The following AEBP2 variants were observed in gnomAD, a reference collection of about 807,000 sequenced individuals.
AEBP2 encodes the protein AE binding protein 2, also known as zinc finger protein AEBP2.
A neutral mutation model predicts 50.8 loss-of-function variants in AEBP2; 10 were observed. The ratio of observed to expected loss-of-function variants is 0.20; its 90% CI spans 0.12 to 0.33. AEBP2 has a LOEUF of 0.33. Among genes scored for constraint, AEBP2 ranks in the 10% least tolerant of loss-of-function variants. AEBP2 has a pLI of 1.00. For missense variants in AEBP2, 570 were observed against 688.0 expected (o/e 0.83, Z 1.92); for synonymous variants, 296 against 261.3 (o/e 1.13, Z -1.28).
At chr12:19,457,779 G>T in intron 1 of AEBP2, 1 of 405,768 alleles carries the variant, frequency 2.5e-6, no homozygotes. Flanking sequence ...CATCAAGCGG[G>T]CACTTGTTAG....
intron 1 of AEBP2, 184 bp downstream of exon 1, chr12:19,440,554 C>A: frequency 7.2e-7 from 1 of 1,386,190 alleles, no homozygotes. Context: ...CGCATCGCGG[C>A]TTCCAACTCT....
intron 7 of AEBP2, among the ~76,000 whole-genome samples, chr12:19,517,634 G>T (rs978525221): frequency 6.6e-6 from 1 of 152,220 alleles, no homozygotes; most frequent in Admixed American, 6.5e-5. Flanking sequence ...CACTGTGCAT[G>T]CCGAGAGACA....
At chr12:19,469,347 G>GT (rs1702765849) in intron 2 of AEBP2, among the ~76,000 whole-genome samples, 1 of 152,132 alleles carries the variant, frequency 6.6e-6, no homozygotes. Context: ...AAACCCAGTT[G>GT]TTTCATTGGC....
rs142347152 is a variant in AEBP2 at position 19,424,298 on chromosome 12, G to C, written c.-17+20082G>C. The stretch of plus-strand genomic sequence containing the variant: ...CATGCTCATGAACAGCAGAGAAGGA[G>C]CCAGTACAGAGGACAGTGTTGAACA... On this transcript the variant is annotated intron_variant, in intron 1 of 3. Coordinates refer to the AEBP2 transcript ENST00000538425. Among the ~76,000 whole-genome samples, 630 of 152,280 alleles carry C rather than the reference G, an allele frequency of 4.1e-3. 5 individuals carry two copies. Among genetic ancestry groups the C allele is most frequent in the African/African-American group, 0.014 (594 of 41,558 alleles).
At chr12:19,495,247 T>C (rs1236077816) in intron 4 of AEBP2, among the ~76,000 whole-genome samples, 2 of 152,124 alleles carry the variant, frequency 1.3e-5, no homozygotes, top group African/African-American at 4.8e-5. Context: ...GAAATACCAA[T>C]GGGTGAATGA....
rs929418267 is a variant in AEBP2, at chr12:19,412,969, C to T, written c.-17+8753C>T. ...CCCGTCACGAGGGGCCCAGGAGGCTCGCGGCAGGGGCTGCCACATGCAGGA... is the reference window on the plus strand; with the variant it reads ...CCCGTCACGAGGGGCCCAGGAGGCTTGCGGCAGGGGCTGCCACATGCAGGA... On this transcript the variant is annotated intron_variant, in intron 1 of 3. Transcript: ENST00000538425. Among the ~76,000 whole-genome samples, 5 of 152,286 alleles carry T rather than the reference C, an allele frequency of 3.3e-5. 1 individual carries two copies. Among genetic ancestry groups the T allele is most frequent in the African/African-American group, 9.6e-5 (4 of 41,580 alleles).
At chr12:19,514,432 CA>C (rs906501991) in intron 6 of AEBP2, among the ~76,000 whole-genome samples, 19 of 152,232 alleles carry the variant, frequency 1.2e-4, no homozygotes, top group Admixed American at 7.9e-4. Flanking sequence ...AAGATATTGC[CA>C]CTGAAAATGT....
chr12:19,422,989 CG>C (rs1210941782), intron 1 of AEBP2, among the ~76,000 whole-genome samples: 1 of 132,328 alleles, frequency 7.6e-6, no homozygotes, highest in Non-Finnish European at 1.5e-5. Context: ...CACTTGAACC[CG>C]GAAGGCAGAG....
intron 3 of AEBP2, among the ~76,000 whole-genome samples, chr12:19,488,756 C>G (rs1948852776): frequency 1.3e-5 from 2 of 151,994 alleles, no homozygotes; most frequent in Admixed American, 1.3e-4. Context: ...TTCAGTAATT[C>G]TGTGTTTCAA....
At chr12:19,405,026 C>T (rs1592698745) in intron 1 of AEBP2, among the ~76,000 whole-genome samples, 2 of 150,016 alleles carry the variant, frequency 1.3e-5, no homozygotes, top group South Asian at 2.1e-4. Context: ...CCTCTGCCTC[C>T]AGGGTTCAAG....
intron 7 of AEBP2, among the ~76,000 whole-genome samples, chr12:19,516,072 G>A (rs1949313255): frequency 6.6e-6 from 1 of 152,096 alleles, no homozygotes; most frequent in Non-Finnish European, 1.5e-5. Context: ...CTGACAGAGC[G>A]AGAACCTGTC....
intron 1 of AEBP2, among the ~76,000 whole-genome samples, chr12:19,455,624 T>C (rs1948255768): frequency 6.6e-6 from 1 of 152,204 alleles, no homozygotes; most frequent in Non-Finnish European, 1.5e-5. Context: ...GTTGGGGCTG[T>C]TCTGGATGTA....
intron 3 of AEBP2, among the ~76,000 whole-genome samples, chr12:19,493,255 G>A (rs1028696550): frequency 1.3e-5 from 2 of 152,016 alleles, no homozygotes; most frequent in African/African-American, 4.8e-5. Flanking sequence ...TACAAAATTA[G>A]CCAGGCATGG....
In AEBP2 at chr12:19,522,140, A is replaced by G. The variant is rs917649189; in HGVS notation, c.*4023A>G. 3.9e-5 allele frequency: 6 copies of G among 152,160 alleles called. No homozygotes were observed. Among genetic ancestry groups the G allele is most frequent in the African/African-American group, 1.4e-4 (6 of 41,450 alleles). 9.4% of individuals were successfully genotyped at this position (152,160 alleles called of 1,614,324 possible). On this transcript the variant is annotated 3_prime_UTR_variant, in exon 8 of 8. Coordinates refer to ENST00000266508, the MANE Select transcript of AEBP2 (RefSeq NM_153207.5). Reference sequence around the variant, plus strand: ...CATATTTCTCTATTCTAAAAATTACAGAATATGTATTCATAAAAGGGAAGA... The same window carrying G: ...CATATTTCTCTATTCTAAAAATTACGGAATATGTATTCATAAAAGGGAAGA...
At chr12:19,490,738 T>G (rs2120429130) in intron 3 of AEBP2, among the ~76,000 whole-genome samples, 1 of 152,268 alleles carries the variant, frequency 6.6e-6, no homozygotes, top group Middle Eastern at 3.4e-3. Context: ...AGTATTGGGA[T>G]TACAGGCATG....
At position 19,493,675 on chromosome 12, in the gene AEBP2, C is replaced by G. The variant is rs1032748613; in HGVS notation, c.988-125C>G. ...AAAGACTACTAGTCCCTTATGCTTC[C>G]TTTCTGGAATTAGTTCTATTGTACT... On this transcript the variant is annotated intron_variant, in intron 3 of 7. Transcript: ENST00000266508. 5 of 920,764 alleles carry G rather than the reference C, an allele frequency of 5.4e-6. No individual in the cohort carries two copies. In the African/African-American group the frequency reaches 8.4e-5, roughly 15 times the overall value. 57.0% of individuals were successfully genotyped at this position (920,764 alleles called of 1,614,324 possible).
In AEBP2 at chr12:19,518,077, C is replaced by G; in HGVS notation, c.1482-10C>G. 1 of 1,592,878 alleles carries G rather than the reference C, an allele frequency of 6.3e-7. No individual in the cohort carries two copies. The highest frequency in any genetic ancestry group is 8.5e-7 in the Non-Finnish European group (1 of 1,169,794). Reference sequence around the variant, plus strand: ...GTTGAATAAAAGGATTTCTTTTTCTCTTTTTCTAGAACAATGCCGCAGAAG... The same window carrying G: ...GTTGAATAAAAGGATTTCTTTTTCTGTTTTTCTAGAACAATGCCGCAGAAG... On this transcript the variant is annotated splice_polypyrimidine_tract_variant and intron_variant, in intron 7 of 7. Transcript: ENST00000266508.
intron 1 of AEBP2, among the ~76,000 whole-genome samples, chr12:19,429,817 AT>A (rs2095750487): frequency 6.6e-6 from 1 of 150,820 alleles, no homozygotes; most frequent in Non-Finnish European, 1.5e-5. Context: ...CCACTTGTTG[AT>A]GGGAGTTTTT....
rs563914572 is a variant in AEBP2, at chr12:19,424,692, G to A, written c.-17+20476G>A. Among the ~76,000 whole-genome samples, 121 of 151,496 alleles carry A rather than the reference G, an allele frequency of 8.0e-4. 1 individual carries two copies. Among genetic ancestry groups the A allele is most frequent in the African/African-American group, 1.9e-3 (80 of 41,420 alleles). The stretch of plus-strand genomic sequence containing the variant: ...ATTACAGGCGTGAGCCACCGCGCCC[G>A]GCCTAAGATGTCATTTTTTAAAAAA... On this transcript the variant is annotated intron_variant, in intron 1 of 3. Coordinates refer to the AEBP2 transcript ENST00000538425.
Sources: allele counts gnomAD v4.1 joint callset (sites outside exome capture counted in the v4.1 genomes callset), GRCh38; gene constraint gnomAD v4.1.1; transcripts MANE v1.5; gene names NCBI Gene and HGNC (gene_info 2026-07-23, HGNC 2026-07-21).